ACSL3: variants seen among roughly 807,000 people sequenced by gnomAD.
ACSL3 encodes the protein fatty acid CoA ligase Acsl3.
A neutral mutation model predicts 84.7 loss-of-function variants in ACSL3; 34 were observed. The ratio of observed to expected loss-of-function variants is 0.40; its 90% CI spans 0.31 to 0.53. The LOEUF (loss-of-function observed/expected upper bound fraction) is 0.53, where lower values mean the gene tolerates loss of function less well. Among genes scored for constraint, ACSL3 ranks in the 20% least tolerant of loss-of-function variants. The pLI, the probability that ACSL3 is intolerant of heterozygous loss-of-function variation, is 0.48. For missense variants in ACSL3, 680 were observed against 873.1 expected, an observed-to-expected ratio of 0.78 and a Z score of 2.79; for synonymous variants, 315 against 299.4, an observed-to-expected ratio of 1.05 and a Z score of -0.54.
At chr2:222,864,566 T>A (rs1047410247) in intron 1 of ACSL3, among the ~76,000 whole-genome samples, 2 of 152,172 alleles carry the variant, frequency 1.3e-5, no homozygotes, top group Non-Finnish European at 2.9e-5. Context: ...TCATTGAATT[T>A]AGCAACATGG....
At chr2:222,934,072 CA>C (rs377585160) in intron 15 of ACSL3, among the ~76,000 whole-genome samples, 144 of 152,220 alleles carry the variant, frequency 9.5e-4, no homozygotes, top group African/African-American at 3.2e-3. Flanking sequence ...TCTATCAATA[CA>C]AATTCTGATG....
intron 1 of ACSL3, among the ~76,000 whole-genome samples, chr2:222,878,073 C>T (rs751806562): frequency 6.6e-6 from 1 of 152,122 alleles, no homozygotes; most frequent in Non-Finnish European, 1.5e-5. Context: ...CAGTGCCCAG[C>T]GTATAGGAGA....
chr2:222,865,227 C>T (rs1695106682), intron 1 of ACSL3, among the ~76,000 whole-genome samples: 9 of 152,094 alleles, frequency 5.9e-5, no homozygotes, highest in Admixed American at 5.9e-4. Flanking sequence ...AGTTTAGCTT[C>T]TGTTATTATT....
chr2:222,902,239 A>G (rs1050939894), intron 3 of ACSL3, among the ~76,000 whole-genome samples: 3 of 152,170 alleles, frequency 2.0e-5, no homozygotes, highest in African/African-American at 7.2e-5. Flanking sequence ...TTCTAGTGCT[A>G]TTAGCTATAT....
intron 10 of ACSL3, 150 bp from the exon 11 acceptor site, chr2:222,924,306 G>T: frequency 4.6e-6 from 3 of 656,190 alleles, no homozygotes; most frequent in Non-Finnish European, 4.6e-6. Flanking sequence ...TTCACAAAAG[G>T]TTTTTTCCTT....
intron 16 of ACSL3, among the ~76,000 whole-genome samples, chr2:222,937,805 TGAAA>T (rs1429695324): frequency 3.3e-5 from 5 of 152,202 alleles, no homozygotes; most frequent in African/African-American, 1.2e-4. Context: ...ATTATTGATA[TGAAA>T]GACTTTTCAT....
At chr2:222,911,650 C>T (rs987934648) in intron 4 of ACSL3, among the ~76,000 whole-genome samples, 2 of 152,196 alleles carry the variant, frequency 1.3e-5, no homozygotes, top group African/African-American at 2.4e-5. Context: ...TCGGTATGTA[C>T]AGCAGCAAAC....
intron 9 of ACSL3, 46 bp from the exon 10 acceptor site, chr2:222,923,032 A>G (rs772524713): frequency 1.3e-6 from 2 of 1,494,400 alleles, no homozygotes; most frequent in East Asian, 2.3e-5. Flanking sequence ...ATTGAATTTT[A>G]AAAATAAGGA....
chr2:222,878,247 G>A (rs1257747659), intron 1 of ACSL3, among the ~76,000 whole-genome samples: 1 of 152,180 alleles, frequency 6.6e-6, no homozygotes, highest in Non-Finnish European at 1.5e-5. Context: ...AGAATGACCA[G>A]TATATACTTA....
At chr2:222,872,453 A>G (rs1008251580) in intron 1 of ACSL3, among the ~76,000 whole-genome samples, 16 of 152,150 alleles carry the variant, frequency 1.1e-4, no homozygotes, top group Admixed American at 9.8e-4. Context: ...AAGTAAAAGT[A>G]TCTTAGGAAA....
chr2:222,941,137 C>T lies in ACSL3; in HGVS notation c.2006-360C>T, dbSNP rs562804728. ...TAGAGACAAGGTCTCGCTATGTTACCGAGGCTGGCCTTGAATTCCTGGCCT... is the reference window on the plus strand; with the variant it reads ...TAGAGACAAGGTCTCGCTATGTTACTGAGGCTGGCCTTGAATTCCTGGCCT... On this transcript the variant is annotated intron_variant, in intron 16 of 16. Transcript: ENST00000357430. Among the ~76,000 whole-genome samples the T allele has an allele frequency of 4.6e-5, 7 of 152,022 alleles. No homozygotes were observed. In the East Asian group the frequency reaches 9.7e-4, roughly 21 times the overall value.
chr2:222,907,309 A>G (rs77083997), intron 3 of ACSL3, among the ~76,000 whole-genome samples: 2,118 of 152,260 alleles, frequency 0.014, 22 homozygotes, highest in Non-Finnish European at 0.02. Context: ...CAGTTCTCTC[A>G]TCTATCTACA....
rs5838973 is a variant in ACSL3 at position 222,941,471 on chromosome 2, C to CTT, written c.2006-23_2006-22dup. 9.9e-3 allele frequency: 13,564 copies of CTT among 1,368,222 alleles called. 13 individuals carry two copies. Among genetic ancestry groups the CTT allele is most frequent in the African/African-American group, 0.024 (1,603 of 65,518 alleles). 84.8% of individuals were successfully genotyped at this position (1,368,222 alleles called of 1,614,324 possible). A position where few individuals can be genotyped will look rare whatever the true frequency, so the allele number is the denominator to read the frequency against. On this transcript the variant is annotated intron_variant, in intron 16 of 16. Coordinates refer to ENST00000357430, the MANE Select transcript of ACSL3 (RefSeq NM_004457.5). ...GCTAAGAACTTAAATACCTTTTCTT[C>CTT]TTTTCTTTTTTTTTAATCATCTTAG...
At chr2:222,937,582 A>G (rs1163962634) in intron 16 of ACSL3, among the ~76,000 whole-genome samples, 1 of 152,058 alleles carries the variant, frequency 6.6e-6, no homozygotes, top group African/African-American at 2.4e-5. Flanking sequence ...CTATTGTGAC[A>G]ATTTTTGTCT....
At chr2:222,905,418 C>T (rs1463327927) in intron 3 of ACSL3, among the ~76,000 whole-genome samples, 1 of 152,196 alleles carries the variant, frequency 6.6e-6, no homozygotes, top group African/African-American at 2.4e-5. Context: ...GCCTTGGCCT[C>T]CCAAAGTGCT....
intron 1 of ACSL3, among the ~76,000 whole-genome samples, chr2:222,867,648 CAAGTT>C (rs965358505): frequency 2.0e-5 from 3 of 152,308 alleles, no homozygotes; most frequent in African/African-American, 7.2e-5. Flanking sequence ...TTTACTGTGA[CAAGTT>C]AGTACATTTT....
chr2:222,883,312 G>A (rs566705132), intron 1 of ACSL3, among the ~76,000 whole-genome samples: 23 of 151,442 alleles, frequency 1.5e-4, no homozygotes, highest in Non-Finnish European at 3.1e-4. Context: ...AGCCTCTCTA[G>A]TAGCTGGGAT....
chr2:222,889,165 G>A (rs1695788315), intron 2 of ACSL3, among the ~76,000 whole-genome samples: 2 of 152,150 alleles, frequency 1.3e-5, no homozygotes, highest in African/African-American at 4.8e-5. Context: ...TGTAATTACT[G>A]TTGAGGATCA....
rs1295085359 is a variant in ACSL3 at position 222,942,654 on chromosome 2, T to C, written c.*1000T>C. The C allele has an allele frequency of 9.7e-6, 2 of 206,204 alleles. No homozygotes were observed. The highest frequency in any genetic ancestry group is 2.0e-5 in the Non-Finnish European group (2 of 101,290). 12.8% of individuals were successfully genotyped at this position (206,204 alleles called of 1,614,324 possible). A position where few individuals can be genotyped will look rare whatever the true frequency, so the allele number is the denominator to read the frequency against. On this transcript the variant is annotated 3_prime_UTR_variant, in exon 17 of 17. Coordinates refer to ENST00000357430, the MANE Select transcript of ACSL3 (RefSeq NM_004457.5). ...AATCATTATTTCATTTTAAAATTAG[T>C]GTTTTTCCTAGTTTGCACTGATGCG...
Sources: allele counts gnomAD v4.1 joint callset (sites outside exome capture counted in the v4.1 genomes callset), GRCh38; gene constraint gnomAD v4.1.1; transcripts MANE v1.5; gene names NCBI Gene and HGNC (gene_info 2026-07-23, HGNC 2026-07-21).